The following VPS26A variants were observed in gnomAD, a reference collection of about 807,000 sequenced individuals.
The protein encoded by VPS26A is vacuolar protein sorting-associated protein 26A.
A neutral mutation model predicts 42.4 loss-of-function variants in VPS26A; 22 were observed. The ratio of observed to expected loss-of-function variants is 0.52; its 90% CI spans 0.37 to 0.74. VPS26A has a LOEUF of 0.74. Among genes scored for constraint, VPS26A ranks in the 30% least tolerant of loss-of-function variants. The probability of loss-of-function intolerance (pLI) is 0.00; values close to 1 mark genes in which losing one functional copy is unlikely to be tolerated. For missense variants in VPS26A, 276 were observed against 379.2 expected (o/e 0.73, Z 2.26); for synonymous variants, 110 against 123.5 (o/e 0.89, Z 0.73).
At chr10:69,168,730 T>G in intron 8 of VPS26A, 99 bp downstream of exon 8, 1 of 1,428,772 alleles carries the variant, frequency 7.0e-7, no homozygotes, top group Non-Finnish European at 9.4e-7. Flanking sequence ...AGTGGGAGTT[T>G]CTAAATAAAT....
chr10:69,162,065 C>T (rs1192353946), intron 5 of VPS26A, among the ~76,000 whole-genome samples: 1 of 150,312 alleles, frequency 6.7e-6, no homozygotes, highest in Non-Finnish European at 1.5e-5. Flanking sequence ...TGATTTGCCT[C>T]ACTGCAGCCT....
At chr10:69,165,032 A>G (rs1841656753) in intron 6 of VPS26A, among the ~76,000 whole-genome samples, 1 of 151,774 alleles carries the variant, frequency 6.6e-6, no homozygotes, top group Non-Finnish European at 1.5e-5. Flanking sequence ...GGTTCAAGCA[A>G]TTCTCCTGCC....
At chr10:69,142,162 C>T (rs1000336874) in intron 2 of VPS26A, among the ~76,000 whole-genome samples, 41 of 145,188 alleles carry the variant, frequency 2.8e-4, no homozygotes, top group Non-Finnish European at 3.3e-4. Flanking sequence ...GGATTATAGG[C>T]GTGAGCCACC....
In VPS26A at chr10:69,133,035, C is replaced by G; in HGVS notation, c.141C>G (p.Ser47=). The G allele has an allele frequency of 6.2e-7, 1 of 1,600,790 alleles. No individual in the cohort carries two copies. The highest frequency in any genetic ancestry group is 8.5e-7 in the Non-Finnish European group (1 of 1,176,852). The change falls in exon 2 of 9, where the codon TCC becomes TCG. Residue 47 remains serine (S), a synonymous_variant. Transcript: ENST00000263559. ...EKHYLFYDGE[S]VSGKVNLAFK... is the part of the protein sequence containing the mutation. ...ACTATCTCTTCTATGACGGAGAATC[C>G]GTTTCAGGAAAGGTAAATCTTCTGT...
At chr10:69,131,797 G>A (rs984966950) in intron 1 of VPS26A, among the ~76,000 whole-genome samples, 6 of 152,184 alleles carry the variant, frequency 3.9e-5, no homozygotes, top group African/African-American at 1.2e-4. Context: ...TGACATGATA[G>A]GAGACTGTTC....
At chr10:69,158,333 A>G in intron 5 of VPS26A, 122 bp downstream of exon 5, 1 of 838,578 alleles carries the variant, frequency 1.2e-6, no homozygotes. Context: ...AATCAACAGG[A>G]TCTCTGAGCT....
chr10:69,169,776 T>G (rs191983936), intron 8 of VPS26A, among the ~76,000 whole-genome samples: 115 of 150,884 alleles, frequency 7.6e-4, no homozygotes, highest in Non-Finnish European at 1.5e-4. Context: ...ACCCGGCTAA[T>G]TTTTCTATTT....
chr10:69,162,986 AAGC>A (rs748172377), intron 6 of VPS26A, among the ~76,000 whole-genome samples: 26,869 of 152,028 alleles, frequency 0.18, 2,723 homozygotes, highest in Non-Finnish European at 0.23. Context: ...TTATGTATAC[AAGC>A]AAGTACCTAT....
chr10:69,173,703 A>T lies in VPS26A; in HGVS notation c.*2434A>T, dbSNP rs1441440140. ...TAAAATGTACCAATCAGTGCTTGTG[A>T]AAACGCACCAATCAGGCTGGGCACA... On this transcript the variant is annotated 3_prime_UTR_variant, in exon 9 of 9. Coordinates refer to ENST00000263559, the MANE Select transcript of VPS26A (RefSeq NM_004896.5). Among the ~76,000 whole-genome samples, 2 of 152,244 alleles carry T rather than the reference A, an allele frequency of 1.3e-5. No individual in the cohort carries two copies. The highest frequency in any genetic ancestry group is 2.9e-5 in the Non-Finnish European group (2 of 68,042).
chr10:69,146,569 G>T (rs1388166746), intron 2 of VPS26A, among the ~76,000 whole-genome samples: 5 of 152,040 alleles, frequency 3.3e-5, no homozygotes, highest in East Asian at 3.8e-4. Flanking sequence ...CCATTAAGCG[G>T]TAACTCCCCA....
chr10:69,161,415 A>AT (rs1190475197), intron 5 of VPS26A: 1 of 159,686 alleles, frequency 6.3e-6, no homozygotes, highest in East Asian at 1.9e-4. Flanking sequence ...TAAAAGTTTG[A>AT]TTCCTTATTT....
At chr10:69,128,648 C>T (rs546138721) in intron 1 of VPS26A, among the ~76,000 whole-genome samples, 1 of 152,094 alleles carries the variant, frequency 6.6e-6, no homozygotes, top group East Asian at 1.9e-4. Context: ...TTATAGTTTT[C>T]AAATCTCATT....
At chr10:69,148,754 A>ATTTTT (rs34136399) in intron 2 of VPS26A, among the ~76,000 whole-genome samples, 1 of 133,758 alleles carries the variant, frequency 7.5e-6, no homozygotes, top group Non-Finnish European at 1.6e-5. Context: ...AGCAGAGAGT[A>ATTTTT]TTTTTTTTTT....
Position 69,132,918 on chromosome 10 carries a change from T to G in VPS26A, c.24T>G (p.Phe8Leu), listed in dbSNP as rs1307810851. MSFLGGFFGPICEIDIVL... is the reference protein window; with the variant it reads MSFLGGFLGPICEIDIVL... Reference sequence around the variant, plus strand: ...TTCAGAGTTTTCTTGGAGGCTTTTTTGGTCCAATTTGTGAGATCGATATTG... The same window carrying G: ...TTCAGAGTTTTCTTGGAGGCTTTTTGGGTCCAATTTGTGAGATCGATATTG... Residue 8 changes from phenylalanine to leucine, a missense_variant, in exon 2 of 9, where the codon TTT becomes TTG. Coordinates refer to ENST00000263559, the MANE Select transcript of VPS26A (RefSeq NM_004896.5). The G allele has an allele frequency of 6.3e-7, 1 of 1,587,516 alleles. No homozygotes were observed. Among genetic ancestry groups the G allele is most frequent in the Non-Finnish European group, 8.5e-7 (1 of 1,173,464 alleles).
chr10:69,149,765 G>T (rs79658076), intron 2 of VPS26A, among the ~76,000 whole-genome samples: 3 of 69,400 alleles, frequency 4.3e-5, no homozygotes, highest in African/African-American at 2.0e-4. Context: ...TTTTTTTTTT[G>T]AGATGGAGTC....
chr10:69,173,080 C>G lies in VPS26A; in HGVS notation c.*1811C>G, dbSNP rs1477142599. ...ATACAGGATGCCTATCCGTTTTGCT[C>G]AAGACTTTTTGTAGCATAACCAATT... is the stretch of plus-strand genomic sequence containing the variant. On this transcript the variant is annotated 3_prime_UTR_variant, in exon 9 of 9. Transcript: ENST00000263559. Among the ~76,000 whole-genome samples the G allele has an allele frequency of 6.6e-6, 1 of 152,054 alleles. No homozygotes were observed. Among genetic ancestry groups the G allele is most frequent in the African/African-American group, 2.4e-5 (1 of 41,402 alleles).
At chr10:69,152,209 C>CA (rs1554854596) in intron 2 of VPS26A, among the ~76,000 whole-genome samples, 2 of 151,832 alleles carry the variant, frequency 1.3e-5, no homozygotes, top group Admixed American at 6.6e-5. Context: ...ACCCTGTCTA[C>CA]AAAAAACAAA....
rs1209065643 is a variant in VPS26A at position 69,171,228 on chromosome 10, T to C, written c.943T>C (p.Ser315Pro). ...AACAAACTTTCACCAGCGATTTGAA[T>C]CTCCAGAATCACAGGCATCTGCCGA... ...QRTNFHQRFE[S>P]PESQASAEQP... The change falls in exon 9 of 9, where the codon TCT becomes CCT. Residue 315 changes from serine to proline, a missense_variant. By Grantham distance (74) the Ser-to-Pro change is moderately conservative. Coordinates refer to ENST00000263559, the MANE Select transcript of VPS26A (RefSeq NM_004896.5). The C allele has an allele frequency of 6.2e-7, 1 of 1,613,638 alleles. No individual in the cohort carries two copies. The highest frequency in any genetic ancestry group is 8.5e-7 in the Non-Finnish European group (1 of 1,179,932).
intron 5 of VPS26A, 80 bp downstream of exon 5, chr10:69,158,291 A>G: frequency 8.3e-7 from 1 of 1,197,912 alleles, no homozygotes; most frequent in Admixed American, 3.0e-5. Context: ...GGTCAAAGTA[A>G]GGATAGAATT....
Sources: allele counts gnomAD v4.1 joint callset (sites outside exome capture counted in the v4.1 genomes callset), GRCh38; gene constraint gnomAD v4.1.1; transcripts MANE v1.5; gene names NCBI Gene and HGNC (gene_info 2026-07-23, HGNC 2026-07-21).